Variants in CTTNBP2 observed in about 807,000 individuals in gnomAD.
CTTNBP2 encodes cortactin binding protein 2, also known as cortactin-binding protein 2.
CTTNBP2 carries 108 observed loss-of-function variants against 156.9 expected under a neutral mutation model. That is an observed-to-expected ratio of 0.69 (90% CI 0.59 to 0.81). CTTNBP2 has a LOEUF of 0.81. Ranked by LOEUF, CTTNBP2 falls within the 30% of genes least tolerant of loss-of-function variation. The probability of loss-of-function intolerance (pLI) is 0.00; values close to 1 mark genes in which losing one functional copy is unlikely to be tolerated. For synonymous variants in CTTNBP2, 767 were observed against 751.8 expected, an observed-to-expected ratio of 1.02 and a Z score of -0.33; for missense variants, 1,924 against 2,035.4, an observed-to-expected ratio of 0.95 and a Z score of 1.05.
intron 2 of CTTNBP2, among the ~76,000 whole-genome samples, chr7:117,816,746 T>G (rs1329538032): frequency 1.3e-5 from 2 of 152,170 alleles, no homozygotes; most frequent in Non-Finnish European, 1.5e-5. Flanking sequence ...TATTTTTAAT[T>G]TTTAATGTAT....
At chr7:117,755,993 G>C (rs1417106753) in intron 12 of CTTNBP2, among the ~76,000 whole-genome samples, 1 of 152,222 alleles carries the variant, frequency 6.6e-6, no homozygotes, top group South Asian at 2.1e-4. Flanking sequence ...ACATCCCAGG[G>C]AAGAGTGGAG....
chr7:117,770,470 C>T (rs1004464609), intron 8 of CTTNBP2, among the ~76,000 whole-genome samples: 2 of 152,192 alleles, frequency 1.3e-5, no homozygotes, highest in African/African-American at 2.4e-5. Flanking sequence ...CCCACTGACA[C>T]TTAACAACAA....
intron 14 of CTTNBP2, 74 bp downstream of exon 14, chr7:117,745,757 G>T: frequency 1.0e-6 from 1 of 973,034 alleles, no homozygotes; most frequent in Non-Finnish European, 1.6e-6. Context: ...GCAACACAGT[G>T]TATTTTCTCT....
intron 10 of CTTNBP2, among the ~76,000 whole-genome samples, chr7:117,759,617 C>T (rs1265126599): frequency 6.6e-6 from 1 of 152,152 alleles, no homozygotes; most frequent in Admixed American, 6.5e-5. Flanking sequence ...CTTTCTTTTC[C>T]AATACGGTGC....
chr7:117,829,688 T>C (rs554178532), intron 2 of CTTNBP2, among the ~76,000 whole-genome samples: 33 of 152,340 alleles, frequency 2.2e-4, no homozygotes, highest in Admixed American at 6.5e-4. Context: ...GCCTCTGTGC[T>C]ACAGTAAATG....
intron 11 of CTTNBP2, among the ~76,000 whole-genome samples, chr7:117,756,877 C>T (rs546755248): frequency 6.6e-6 from 1 of 152,332 alleles, no homozygotes; most frequent in East Asian, 1.9e-4. Context: ...TTCCTCCACC[C>T]CCTGGGATGC....
chr7:117,849,561 T>C (rs148709239), intron 2 of CTTNBP2, among the ~76,000 whole-genome samples: 2 of 152,236 alleles, frequency 1.3e-5, no homozygotes, highest in South Asian at 2.1e-4. Flanking sequence ...ACCTCCTGGA[T>C]AGAGCCCATA....
rs1170067968 is a variant in CTTNBP2 at position 117,792,728 on chromosome 7, C to A, written c.468G>T (p.Leu156=). 4 of 1,608,338 alleles carry A rather than the reference C, an allele frequency of 2.5e-6. No individual in the cohort carries two copies. The highest frequency in any genetic ancestry group is 1.3e-5 in the African/African-American group (1 of 74,736). ...CACGCTCTTCCTCAAGGCGGGCAGC[C>A]AGCTTCTTGTGCTCTTGCTCAAGGG... ...LQALEQEHKK[L]AARLEEERGK... Residue 156 remains leucine (L), a synonymous_variant, in exon 4 of 23, where the codon CTG becomes CTT. Transcript: ENST00000160373. This position sits in a 1 kb window ranked among gnomAD's most constrained non-coding sequence, Gnocchi z 4.2.
chr7:117,735,803 A>G (rs142774114), intron 14 of CTTNBP2, among the ~76,000 whole-genome samples: 10 of 152,360 alleles, frequency 6.6e-5, no homozygotes, highest in African/African-American at 2.2e-4. Context: ...GATTATATAC[A>G]ATGTGATTTC....
intron 1 of CTTNBP2, 43 bp from the exon 2 acceptor site, chr7:117,861,359 A>T: frequency 7.4e-7 from 1 of 1,360,008 alleles, no homozygotes; most frequent in Non-Finnish European, 1.0e-6. Context: ...ATCTTTTCCT[A>T]AGGAAGACAC....
rs370624746 is a variant in CTTNBP2 at position 117,794,947 on chromosome 7, T to G, written c.415-2166A>C. Among the ~76,000 whole-genome samples, 121 of 139,694 alleles carry G rather than the reference T, an allele frequency of 8.7e-4. 3 individuals carry two copies. Among genetic ancestry groups the G allele is most frequent in the African/African-American group, 3.2e-3 (116 of 36,408 alleles). 91.6% of individuals were successfully genotyped at this position (139,694 alleles called of 152,430 possible). A position where few individuals can be genotyped will look rare whatever the true frequency, so the allele number is the denominator to read the frequency against. On this transcript the variant is annotated intron_variant, in intron 3 of 22. Transcript: ENST00000160373. ...CTGTCGCCCAGGCGGGACTGCGGAC[T>G]GCAGTGGCGCAATCTCGGCTCACTG...
intron 2 of CTTNBP2, among the ~76,000 whole-genome samples, chr7:117,837,408 A>T (rs1802021257): frequency 6.6e-6 from 1 of 152,120 alleles, no homozygotes. Context: ...CTCTCTCAGT[A>T]TACCCCTGCT....
At chr7:117,870,891 A>G (rs989883071) in intron 1 of CTTNBP2, among the ~76,000 whole-genome samples, 26 of 152,338 alleles carry the variant, frequency 1.7e-4, no homozygotes, top group African/African-American at 6.3e-4. Context: ...GCTAAGAATG[A>G]GGATCACAAA....
intron 17 of CTTNBP2, among the ~76,000 whole-genome samples, chr7:117,726,550 C>T (rs1795104443): frequency 6.6e-6 from 1 of 152,192 alleles, no homozygotes. Flanking sequence ...CATTTCTGCA[C>T]ATCTGGTGTC....
chr7:117,739,030 G>A (rs1354059333), intron 14 of CTTNBP2, among the ~76,000 whole-genome samples: 1 of 152,108 alleles, frequency 6.6e-6, no homozygotes, highest in Non-Finnish European at 1.5e-5. Flanking sequence ...GCAATCAAGG[G>A]TCAAACAGCA....
At chr7:117,837,221 G>C (rs1802011272) in intron 2 of CTTNBP2, among the ~76,000 whole-genome samples, 1 of 152,094 alleles carries the variant, frequency 6.6e-6, no homozygotes. Flanking sequence ...TCTGTCACTT[G>C]CAACCAAAAA....
At chr7:117,793,928 A>C (rs927502436) in intron 3 of CTTNBP2, among the ~76,000 whole-genome samples, 1 of 152,078 alleles carries the variant, frequency 6.6e-6, no homozygotes, top group African/African-American at 2.4e-5. Flanking sequence ...GCCTTCCCTC[A>C]CCACCCTGTG....
intron 17 of CTTNBP2, 125 bp from the exon 18 acceptor site, chr7:117,725,382 C>T: frequency 1.2e-6 from 1 of 823,672 alleles, no homozygotes; most frequent in Non-Finnish European, 2.0e-6. Context: ...GATATGCTAC[C>T]TTTCCCAGGT....
At chr7:117,776,763 A>C (rs1020068502) in intron 8 of CTTNBP2, among the ~76,000 whole-genome samples, 2 of 152,020 alleles carry the variant, frequency 1.3e-5, no homozygotes, top group African/African-American at 4.8e-5. Flanking sequence ...TACTGGTCCA[A>C]CTGCATTTCT....
Sources: gnomAD v4.1 joint callset for allele counts (sites outside exome capture counted in the v4.1 genomes callset) on GRCh38, gnomAD v4.1.1 for gene constraint, Gnocchi (gnomAD v3.1) non-coding constraint, MANE v1.5 for transcripts, NCBI Gene and HGNC (gene_info 2026-07-23, HGNC 2026-07-21) for gene names.